Variants in CPQ observed in about 807,000 individuals in gnomAD.
The protein encoded by CPQ is Ser-Met dipeptidase.
A neutral mutation model predicts 45.7 loss-of-function variants in CPQ; 37 were observed. The ratio of observed to expected loss-of-function variants is 0.81; its 90% confidence interval spans 0.62 to 1.07. The LOEUF is 1.07. Among genes scored for constraint, CPQ ranks in the 50% least tolerant of loss-of-function variants. The pLI is 0.00. For synonymous variants in CPQ, 186 were observed against 205.8 expected, an observed-to-expected ratio of 0.90 and a Z score of 0.82; for missense variants, 537 against 572.9, an observed-to-expected ratio of 0.94 and a Z score of 0.64.
chr8:96,853,757 A>C (rs1320249136), intron 3 of CPQ, among the ~76,000 whole-genome samples: 2 of 152,182 alleles, frequency 1.3e-5, no homozygotes, highest in East Asian at 3.9e-4. Flanking sequence ...TGTAGCCTAC[A>C]TTATTTGGTA....
At chr8:96,978,447 G>C (rs1563544804) in intron 5 of CPQ, among the ~76,000 whole-genome samples, 1 of 152,114 alleles carries the variant, frequency 6.6e-6, no homozygotes, top group Non-Finnish European at 1.5e-5. Flanking sequence ...AGAGCCTTAG[G>C]CTACATGAAT....
chr8:96,941,173 G>T (rs1813119508), intron 4 of CPQ, among the ~76,000 whole-genome samples: 1 of 152,096 alleles, frequency 6.6e-6, no homozygotes, highest in African/African-American at 2.4e-5. Flanking sequence ...TACATGGAGT[G>T]CCCTGGTGCT....
chr8:96,973,044 A>G (rs1343067184), intron 5 of CPQ, among the ~76,000 whole-genome samples: 3 of 152,148 alleles, frequency 2.0e-5, no homozygotes, highest in Non-Finnish European at 2.9e-5. Flanking sequence ...AAATCTCCAA[A>G]TTGCCAGAAA....
intron 3 of CPQ, among the ~76,000 whole-genome samples, chr8:96,876,533 C>A (rs543804303): frequency 6.6e-6 from 1 of 152,174 alleles, no homozygotes; most frequent in Admixed American, 6.5e-5. Context: ...AGCATTCATT[C>A]TTTTCCCATT....
At chr8:96,700,289 G>GA (rs1809440005) in intron 1 of CPQ, among the ~76,000 whole-genome samples, 2 of 152,070 alleles carry the variant, frequency 1.3e-5, no homozygotes, top group South Asian at 4.1e-4. Flanking sequence ...AGAAGACAGA[G>GA]AAAATCCCCC....
chr8:96,851,621 A>T (rs187525787), intron 3 of CPQ, among the ~76,000 whole-genome samples: 167 of 152,280 alleles, frequency 1.1e-3, no homozygotes, highest in African/African-American at 3.6e-3. Context: ...AATCCCATTT[A>T]TGAGGGGAGG....
At chr8:96,855,593 C>T (rs1217559753) in intron 3 of CPQ, among the ~76,000 whole-genome samples, 1 of 152,198 alleles carries the variant, frequency 6.6e-6, no homozygotes, top group Non-Finnish European at 1.5e-5. Flanking sequence ...GTCCTTTCAG[C>T]CGCTCTCATT....
intron 4 of CPQ, among the ~76,000 whole-genome samples, chr8:96,965,077 C>T (rs534491708): frequency 1.3e-5 from 2 of 152,204 alleles, no homozygotes; most frequent in African/African-American, 4.8e-5. Context: ...TTATTTAATA[C>T]TAATGTCAGT....
At chr8:96,670,926 G>A (rs887512144) in intron 1 of CPQ, among the ~76,000 whole-genome samples, 2 of 145,110 alleles carry the variant, frequency 1.4e-5, no homozygotes, top group African/African-American at 5.7e-5. Context: ...AGAGCAACAG[G>A]ACGGACGGAT....
chr8:96,876,151 G>A (rs990630157), intron 3 of CPQ, among the ~76,000 whole-genome samples: 3 of 151,818 alleles, frequency 2.0e-5, no homozygotes, highest in Non-Finnish European at 2.9e-5. Flanking sequence ...ATTTTTGTAT[G>A]CTGATCTTTT....
chr8:97,087,484 C>G (rs1811059774), intron 7 of CPQ, among the ~76,000 whole-genome samples: 1 of 150,782 alleles, frequency 6.6e-6, no homozygotes, highest in African/African-American at 2.5e-5. Context: ...GTGGTGGGCT[C>G]TTATCTGTAT....
At chr8:97,042,270 C>T (rs1335748516) in intron 6 of CPQ, among the ~76,000 whole-genome samples, 1 of 151,884 alleles carries the variant, frequency 6.6e-6, no homozygotes, top group Non-Finnish European at 1.5e-5. Flanking sequence ...AGTTTATTTG[C>T]GTAAAGGTGT....
intron 1 of CPQ, among the ~76,000 whole-genome samples, chr8:96,758,578 A>G (rs958586269): frequency 4.6e-5 from 7 of 152,180 alleles, no homozygotes; most frequent in African/African-American, 1.7e-4. Context: ...TGATTTTTTC[A>G]TAATGGGAGA....
intron 3 of CPQ, among the ~76,000 whole-genome samples, chr8:96,852,315 C>T (rs113327032): frequency 0.029 from 4,408 of 152,216 alleles, 158 homozygotes; most frequent in Middle Eastern, 0.092. Context: ...AAACAAAACA[C>T]CATAGACAAC....
chr8:96,671,117 T>G lies in CPQ; in HGVS notation c.-35+25715T>G, dbSNP rs4496936. Among the ~76,000 whole-genome samples the G allele has an allele frequency of 3.5e-3, 526 of 152,328 alleles. 4 individuals carry two copies. The highest frequency in any genetic ancestry group is 0.012 in the African/African-American group (494 of 41,572). On this transcript the variant is annotated intron_variant, in intron 1 of 7. Transcript: ENST00000220763. ...TCTACAGTGATCCCAACATAAAAAC[T>G]GTAATTTAAAAAACTTAGCGTACTT...
intron 3 of CPQ, among the ~76,000 whole-genome samples, chr8:96,856,761 A>G (rs1352136214): frequency 6.6e-6 from 1 of 152,248 alleles, no homozygotes; most frequent in African/African-American, 2.4e-5. Context: ...TCAGGTTTTC[A>G]TAAATGCTGT....
chr8:96,782,507 G>A (rs1049709420), intron 1 of CPQ, among the ~76,000 whole-genome samples: 1 of 152,152 alleles, frequency 6.6e-6, no homozygotes, highest in Non-Finnish European at 1.5e-5. Flanking sequence ...TTGCCTCAGA[G>A]ATCCCTGAAG....
At chr8:97,036,029 G>C (rs972976013) in intron 6 of CPQ, among the ~76,000 whole-genome samples, 1 of 152,060 alleles carries the variant, frequency 6.6e-6, no homozygotes, top group African/African-American at 2.4e-5. Context: ...TCTTCATTTC[G>C]GTGTTCTGCT....
At chr8:96,873,114 G>A (rs1563517921) in intron 3 of CPQ, among the ~76,000 whole-genome samples, 4 of 151,784 alleles carry the variant, frequency 2.6e-5, no homozygotes, top group Admixed American at 2.0e-4. Flanking sequence ...CTGTAATGGT[G>A]TTCTTCTGAG....
Sources: allele counts gnomAD v4.1 joint callset (sites outside exome capture counted in the v4.1 genomes callset), GRCh38; gene constraint gnomAD v4.1.1; transcripts MANE v1.5; gene names NCBI Gene and HGNC (gene_info 2026-07-23, HGNC 2026-07-21).